The following SGCD variants were observed in gnomAD, a reference collection of about 807,000 sequenced individuals.
SGCD encodes the protein sarcoglycan delta, also known as delta-sarcoglycan.
SGCD carries 18 observed loss-of-function variants against 36.6 expected under a neutral mutation model. That is an observed-to-expected ratio of 0.49 (90% CI 0.34 to 0.73). The LOEUF is 0.73. Ranked by LOEUF, SGCD falls within the 30% of genes least tolerant of loss-of-function variation. The probability of loss-of-function intolerance (pLI) is 0.01; values close to 1 mark genes in which losing one functional copy is unlikely to be tolerated. For missense variants in SGCD, 387 were observed against 346.7 expected (o/e 1.12, Z -0.92); for synonymous variants, 133 against 130.6 (o/e 1.02, Z -0.12).
chr5:156,195,070 G>A (rs1763990250), intron 3 of SGCD, among the ~76,000 whole-genome samples: 1 of 152,056 alleles, frequency 6.6e-6, no homozygotes, highest in Admixed American at 6.6e-5. Flanking sequence ...AAATCTTTAT[G>A]TTCTTTAGGA....
At chr5:156,407,049 C>G (rs142901700) in intron 3 of SGCD, among the ~76,000 whole-genome samples, 15 of 151,716 alleles carry the variant, frequency 9.9e-5, no homozygotes, top group Admixed American at 9.8e-4. Flanking sequence ...TGCTTTTTCA[C>G]GTTTTTCTGC....
chr5:155,972,618 G>T (rs1758028987), intron 1 of SGCD, among the ~76,000 whole-genome samples: 1 of 152,080 alleles, frequency 6.6e-6, no homozygotes, highest in South Asian at 2.1e-4. Flanking sequence ...AACTTCTGAA[G>T]TGGTTTTGAT....
At chr5:156,384,572 A>C (rs1489802708) in intron 3 of SGCD, among the ~76,000 whole-genome samples, 2 of 152,166 alleles carry the variant, frequency 1.3e-5, no homozygotes, top group African/African-American at 2.4e-5. Flanking sequence ...TAATCGAATA[A>C]ATGCACAAAT....
chr5:156,183,498 C>A (rs1402388110), intron 3 of SGCD, among the ~76,000 whole-genome samples: 1 of 152,138 alleles, frequency 6.6e-6, no homozygotes, highest in East Asian at 1.9e-4. Context: ...GCCTTCACCT[C>A]CAGGGTTAAA....
chr5:156,602,133 G>A (rs1761220619), intron 6 of SGCD, among the ~76,000 whole-genome samples: 1 of 151,754 alleles, frequency 6.6e-6, no homozygotes, highest in Non-Finnish European at 1.5e-5. Context: ...CATCAATGTT[G>A]TATAGTTTTC....
chr5:156,321,113 TAAAAAC>T (rs533078143), intron 3 of SGCD, among the ~76,000 whole-genome samples: 76 of 151,968 alleles, frequency 5.0e-4, no homozygotes, highest in African/African-American at 1.5e-3. Context: ...AAAAACAAAT[TAAAAAC>T]AAAAACAAAA....
chr5:156,284,487 C>T (rs1332747323), intron 3 of SGCD, among the ~76,000 whole-genome samples: 1 of 152,142 alleles, frequency 6.6e-6, no homozygotes, highest in African/African-American at 2.4e-5. Flanking sequence ...ACCAAGTGGG[C>T]TTCATCCCTG....
chr5:155,748,041 C>T, the SGCD span, among the ~76,000 whole-genome samples: 1 of 152,096 alleles, frequency 6.6e-6, no homozygotes, highest in East Asian at 1.9e-4. Context: ...AATCCTTTCC[C>T]TACCTTTCCA....
chr5:155,740,652 C>T, the SGCD span, among the ~76,000 whole-genome samples: 7 of 152,192 alleles, frequency 4.6e-5, no homozygotes, highest in East Asian at 1.4e-3. Context: ...TCTTGAGCAG[C>T]TATACTCTTT....
rs568625825 is a variant in SGCD, at chr5:156,602,489, C to G, written c.502+7438C>G. Among the ~76,000 whole-genome samples the G allele has an allele frequency of 5.9e-5, 9 of 152,238 alleles. No individual in the cohort carries two copies. The South Asian group carries it at 1.7e-3, about 28-fold the overall frequency. ...ATTTCTCTGGCTACAACTTCCTGTA[C>G]TTCGTTGAATACAAGTGGTGAGAGT... is the stretch of plus-strand genomic sequence containing the variant. On this transcript the variant is annotated intron_variant, in intron 6 of 8. Coordinates refer to ENST00000337851, the MANE Select transcript of SGCD (RefSeq NM_000337.6).
intron 3 of SGCD, among the ~76,000 whole-genome samples, chr5:156,356,070 C>A (rs1255682521): frequency 6.6e-6 from 1 of 152,152 alleles, no homozygotes; most frequent in African/African-American, 2.4e-5. Flanking sequence ...TCTTATGTGC[C>A]TTTATAAATT....
At chr5:155,890,582 T>G (rs1201538270) in intron 1 of SGCD, among the ~76,000 whole-genome samples, 1 of 152,022 alleles carries the variant, frequency 6.6e-6, no homozygotes, top group Non-Finnish European at 1.5e-5. Flanking sequence ...CACTTCAGCC[T>G]GGGTGACAGT....
At chr5:156,294,081 C>G (rs556776792) in intron 3 of SGCD, among the ~76,000 whole-genome samples, 179 of 152,058 alleles carry the variant, frequency 1.2e-3, no homozygotes, top group Admixed American at 1.8e-3. Context: ...GTATTTTATT[C>G]TTTTGATGCT....
At chr5:155,925,832 G>T (rs924505625) in intron 1 of SGCD, among the ~76,000 whole-genome samples, 1 of 152,076 alleles carries the variant, frequency 6.6e-6, no homozygotes, top group African/African-American at 2.4e-5. Flanking sequence ...GCCCAGGCTG[G>T]TCTCGAACTC....
chr5:155,922,801 A>G (rs1414244616), intron 1 of SGCD, among the ~76,000 whole-genome samples: 1 of 152,144 alleles, frequency 6.6e-6, no homozygotes, highest in East Asian at 1.9e-4. Context: ...CCCCCAAAGA[A>G]AAGTTGTAGA....
chr5:156,759,379 GTCT>G lies in SGCD; in HGVS notation c.863_865del (p.Val288_Cys289delinsGly). ...GTCCACTTGTCAGATAAACACAAGT[GTCT>G]GCCTCTGAAAGACTATCCATAGTGG... On this transcript the variant is annotated inframe_deletion, in exon 9 of 9. Transcript: ENST00000337851. 7 of 1,607,978 alleles carry G rather than the reference GTCT, an allele frequency of 4.4e-6. No homozygotes were observed. Among genetic ancestry groups the G allele is most frequent in the Non-Finnish European group, 6.0e-6 (7 of 1,175,366 alleles).
chr5:155,898,763 T>A (rs572137779), intron 1 of SGCD, among the ~76,000 whole-genome samples: 1 of 152,132 alleles, frequency 6.6e-6, no homozygotes, highest in Admixed American at 6.5e-5. Flanking sequence ...AACAAGCTCG[T>A]GAGGTTGCTT....
chr5:156,277,226 C>T (rs182868607), intron 3 of SGCD, among the ~76,000 whole-genome samples: 2 of 152,236 alleles, frequency 1.3e-5, no homozygotes, highest in East Asian at 1.9e-4. Flanking sequence ...GAGGAGTCTT[C>T]GCCAAAATTC....
chr5:156,474,065 G>A (rs1445290308), intron 3 of SGCD, among the ~76,000 whole-genome samples: 1 of 151,892 alleles, frequency 6.6e-6, no homozygotes, highest in Non-Finnish European at 1.5e-5. Flanking sequence ...CTCCAGTGGG[G>A]GAGGGAGAGC....
Sources: gnomAD v4.1 joint callset for allele counts (sites outside exome capture counted in the v4.1 genomes callset) on GRCh38, gnomAD v4.1.1 for gene constraint, MANE v1.5 for transcripts, NCBI Gene and HGNC (gene_info 2026-07-23, HGNC 2026-07-21) for gene names.